Variants in MARCKSL1 observed in about 807,000 individuals in gnomAD.
The protein encoded by MARCKSL1 is MARCKS like 1.
A neutral mutation model predicts 13.3 loss-of-function variants in MARCKSL1; 5 were observed. That is an observed-to-expected ratio of 0.38 (90% CI 0.20 to 0.79). MARCKSL1 has a LOEUF of 0.79. MARCKSL1 is among the 30% of genes least tolerant of loss of function. The pLI, the probability that MARCKSL1 is intolerant of heterozygous loss-of-function variation, is 0.45. For missense variants in MARCKSL1, 274 were observed against 251.6 expected (o/e 1.09, Z -0.60); for synonymous variants, 126 against 103.2 (o/e 1.22, Z -1.34).
rs780824270 is a variant in MARCKSL1, at chr1:32,335,974, G to A, written c.60C>T (p.Gly20=). 6 of 1,294,566 alleles carry A rather than the reference G, an allele frequency of 4.6e-6. No individual in the cohort carries two copies. The highest frequency in any genetic ancestry group is 4.6e-5 in the African/African-American group (3 of 65,778). 80.2% of individuals were successfully genotyped at this position (1,294,566 alleles called of 1,614,324 possible). ...RGDVTAEEAA[G]ASPAKANGQE... Reference sequence around the variant, plus strand: ...GGCCGTTGGCCTTCGCGGGGGAAGCGCCTGCTGCCTCCTCGGCGGTCACGT... The same window carrying A: ...GGCCGTTGGCCTTCGCGGGGGAAGCACCTGCTGCCTCCTCGGCGGTCACGT... Residue 20 remains glycine (G), a synonymous_variant, in exon 1 of 2, where the codon GGC becomes GGT. Coordinates refer to ENST00000329421, the MANE Select transcript of MARCKSL1 (RefSeq NM_023009.7). The surrounding 1 kb of genome is among the most constrained non-coding windows in gnomAD (Gnocchi z 4.1).
Position 32,335,473 on chromosome 1 carries a change from G to A in MARCKSL1, c.88-376C>T, listed in dbSNP as rs1469895468. On this transcript the variant is annotated intron_variant, in intron 1 of 1. Coordinates refer to ENST00000329421, the MANE Select transcript of MARCKSL1 (RefSeq NM_023009.7). The surrounding 1 kb of genome is among the most constrained non-coding windows in gnomAD (Gnocchi z 4.1). ...CCCGGGGCGCTGTCTCTCTGCACCT[G>A]GACGGCCTATTTTCCCAGCCTCCCG... Among the ~76,000 whole-genome samples, 4 of 151,840 alleles carry A rather than the reference G, an allele frequency of 2.6e-5. No individual in the cohort carries two copies. The highest frequency in any genetic ancestry group is 2.0e-4 in the East Asian group (1 of 5,120).
chr1:32,335,350 GGCGCGCTCTCTATTCC>G lies in MARCKSL1; in HGVS notation c.88-269_88-254del, dbSNP rs1381331458. On this transcript the variant is annotated intron_variant, in intron 1 of 1. Coordinates refer to ENST00000329421, the MANE Select transcript of MARCKSL1 (RefSeq NM_023009.7). The surrounding 1 kb of genome is among the most constrained non-coding windows in gnomAD (Gnocchi z 4.1). ...CGTGGCCCCCACCCCCGTCCCCCGG[GGCGCGCTCTCTATTCC>G]GCGCGGAACCGCTCCGGATCTGCTG... Among the ~76,000 whole-genome samples the G allele has an allele frequency of 6.6e-6, 1 of 151,416 alleles. No individual in the cohort carries two copies. The highest frequency in any genetic ancestry group is 2.4e-5 in the African/African-American group (1 of 41,276).
In MARCKSL1 at chr1:32,334,998, C is replaced by A. The variant is rs1288494450; in HGVS notation, c.187G>T (p.Asp63Tyr). ...GTDEAAGATG[D>Y]AIEPAPPSQG... ...CTAGGGGGTGCTGGCTCGATGGCAT[C>A]GCCAGTGGCCCCGGCTGCCTCATCT... is the stretch of plus-strand genomic sequence containing the variant. The change falls in exon 2 of 2, where the codon GAT (aspartate) becomes TAT (tyrosine). Residue 63 changes from aspartate to tyrosine, a missense_variant. Asp to Tyr is a radical substitution (Grantham distance 160). Transcript: ENST00000329421. The A allele has an allele frequency of 2.5e-6, 4 of 1,606,086 alleles. No homozygotes were observed. In the African/African-American group the frequency reaches 5.4e-5, roughly 22 times the overall value.
In MARCKSL1 at chr1:32,335,877, CGGCCCCG is replaced by C; in HGVS notation, c.87+63_87+69del. 1 of 954,870 alleles carries C rather than the reference CGGCCCCG, an allele frequency of 1.0e-6. No individual in the cohort carries two copies. The highest frequency in any genetic ancestry group is 1.4e-6 in the Non-Finnish European group (1 of 733,782). The allele number at this position is 954,870 out of a possible 1,614,324, so 59.1% of individuals were successfully genotyped here. A position where few individuals can be genotyped will look rare whatever the true frequency, so the allele number is the denominator to read the frequency against. On this transcript the variant is annotated intron_variant, in intron 1 of 1. Transcript: ENST00000329421. This position sits in a 1 kb window ranked among gnomAD's most constrained non-coding sequence, Gnocchi z 4.1. ...CGGACAAAGCGCGCGGCCCCGGCCC[CGGCCCCG>C]GGCCCTAGAAGGGGCGAGGTGCGAG...
In MARCKSL1 at chr1:32,335,000, C is replaced by A. The variant is rs374522403; in HGVS notation, c.185G>T (p.Gly62Val). ...NGTDEAAGAT[G>V]DAIEPAPPSQ... ...AGGGGGTGCTGGCTCGATGGCATCG[C>A]CAGTGGCCCCGGCTGCCTCATCTGT... The change falls in exon 2 of 2, where the codon GGC (glycine) becomes GTC (valine). Residue 62 changes from glycine (G) to valine (V), a missense_variant. Coordinates refer to ENST00000329421, the MANE Select transcript of MARCKSL1 (RefSeq NM_023009.7). The A allele has an allele frequency of 6.2e-7, 1 of 1,605,762 alleles. No homozygotes were observed. Among genetic ancestry groups the A allele is most frequent in the East Asian group, 2.2e-5 (1 of 44,836 alleles).
At position 32,335,212 on chromosome 1, in the gene MARCKSL1, G is replaced by A; in HGVS notation, c.88-115C>T. 1 of 1,169,212 alleles carries A rather than the reference G, an allele frequency of 8.6e-7. No homozygotes were observed. Among genetic ancestry groups the A allele is most frequent in the South Asian group, 2.5e-5 (1 of 39,386 alleles). The allele number at this position is 1,169,212 out of a possible 1,614,324, so 72.4% of individuals were successfully genotyped here. A position where few individuals can be genotyped will look rare whatever the true frequency, so the allele number is the denominator to read the frequency against. On this transcript the variant is annotated intron_variant, in intron 1 of 1. Transcript: ENST00000329421. The surrounding 1 kb of genome is among the most constrained non-coding windows in gnomAD (Gnocchi z 4.1). ...CGATTCTACTGCAACCCGAAAGTCT[G>A]GCTTCAGCCTCACCCACACCCAGGA... is the stretch of plus-strand genomic sequence containing the variant.
Position 32,336,222 on chromosome 1 carries a change from C to T in MARCKSL1, c.-189G>A. The T allele has an allele frequency of 3.1e-6, 1 of 324,666 alleles. No individual in the cohort carries two copies. Among genetic ancestry groups the T allele is most frequent in the Admixed American group, 4.9e-5 (1 of 20,220 alleles). 20.1% of individuals were successfully genotyped at this position (324,666 alleles called of 1,614,324 possible). A position where few individuals can be genotyped will look rare whatever the true frequency, so the allele number is the denominator to read the frequency against. ...CTGCGCCCGCCGCCGCTCCGCTCCG[C>T]GCCAGAATGCCGCCCGCCGCCCGCC... On this transcript the variant is annotated 5_prime_UTR_variant, in exon 1 of 2. Coordinates refer to ENST00000329421, the MANE Select transcript of MARCKSL1 (RefSeq NM_023009.7).
chr1:32,334,775 T>C lies in MARCKSL1; in HGVS notation c.410A>G (p.Glu137Gly). 2 of 1,611,564 alleles carry C rather than the reference T, an allele frequency of 1.2e-6. No homozygotes were observed. The highest frequency in any genetic ancestry group is 1.7e-6 in the Non-Finnish European group (2 of 1,179,792). ...EQGEIGACSD[E>G]GTAQEGKAAA... ...GGCCTTCCCTTCCTGAGCAGTGCCC[T>C]CGTCGCTGCAGGCACCGATCTCCCC... The change falls in exon 2 of 2, where the codon GAG becomes GGG. Residue 137 changes from glutamate (E) to glycine (G), a missense_variant. Transcript: ENST00000329421.
In MARCKSL1 at chr1:32,335,230, AC is replaced by A; in HGVS notation, c.88-134del. 3.0e-6 allele frequency: 3 copies of A among 1,006,130 alleles called. No individual in the cohort carries two copies. Among genetic ancestry groups the A allele is most frequent in the Non-Finnish European group, 3.9e-6 (3 of 759,730 alleles). 62.3% of individuals were successfully genotyped at this position (1,006,130 alleles called of 1,614,324 possible). Reference sequence around the variant, plus strand: ...AAAGTCTGGCTTCAGCCTCACCCACACCCAGGATCCCGTCAAACACCTCCCT... The same window carrying A: ...AAAGTCTGGCTTCAGCCTCACCCACACCAGGATCCCGTCAAACACCTCCCT... On this transcript the variant is annotated intron_variant, in intron 1 of 1. Transcript: ENST00000329421. The surrounding 1 kb of genome is among the most constrained non-coding windows in gnomAD (Gnocchi z 4.1).
In MARCKSL1 at chr1:32,335,438, G is replaced by C. The variant is rs1641373012; in HGVS notation, c.88-341C>G. 6.6e-6 allele frequency among the ~76,000 whole-genome samples: 1 copy of C among 151,758 alleles called. No individual in the cohort carries two copies. The highest frequency in any genetic ancestry group is 2.4e-5 in the African/African-American group (1 of 41,348). On this transcript the variant is annotated intron_variant, in intron 1 of 1. Coordinates refer to ENST00000329421, the MANE Select transcript of MARCKSL1 (RefSeq NM_023009.7). This position sits in a 1 kb window ranked among gnomAD's most constrained non-coding sequence, Gnocchi z 4.1. ...CGAGCCGCTCTAGGCGACATTGGGCGGGAAGCCGCCCCGGGGCGCTGTCTC... is the reference window on the plus strand; with the variant it reads ...CGAGCCGCTCTAGGCGACATTGGGCCGGAAGCCGCCCCGGGGCGCTGTCTC...
chr1:32,334,800 C>A lies in MARCKSL1; in HGVS notation c.385G>T (p.Gly129Trp). ...TCGTCGCTGCAGGCACCGATCTCCC[C>A]CTGCTCCTGCTCTTCCTCTGTGGGT... ...SSPTEEEQEQ[G>W]EIGACSDEGT... The change falls in exon 2 of 2, where the codon GGG becomes TGG. Residue 129 changes from glycine (G) to tryptophan (W), a missense_variant. Gly to Trp is a radical substitution (Grantham distance 184, BLOSUM62 -2). Transcript: ENST00000329421. The A allele has an allele frequency of 6.2e-7, 1 of 1,611,796 alleles. No homozygotes were observed. The highest frequency in any genetic ancestry group is 1.1e-5 in the South Asian group (1 of 91,050).
rs1641346879 is a variant in MARCKSL1, at chr1:32,334,364, C to G, written c.*233G>C. The G allele has an allele frequency of 2.3e-6, 1 of 428,494 alleles. No individual in the cohort carries two copies. The highest frequency in any genetic ancestry group is 3.6e-5 in the East Asian group (1 of 27,872). The allele number at this position is 428,494 out of a possible 1,614,324, so 26.5% of individuals were successfully genotyped here. Reference sequence around the variant, plus strand: ...GACAGGAGCATTTCACATCACTAACCTAACTTGGGAAGCTGTAAGGGACCA... The same window carrying G: ...GACAGGAGCATTTCACATCACTAACGTAACTTGGGAAGCTGTAAGGGACCA... On this transcript the variant is annotated 3_prime_UTR_variant, in exon 2 of 2. Transcript: ENST00000329421.
At position 32,335,450 on chromosome 1, in the gene MARCKSL1, C is replaced by T. The variant is rs1266310281; in HGVS notation, c.88-353G>A. On this transcript the variant is annotated intron_variant, in intron 1 of 1. Transcript: ENST00000329421. This position sits in a 1 kb window ranked among gnomAD's most constrained non-coding sequence, Gnocchi z 4.1. ...GGCGACATTGGGCGGGAAGCCGCCCCGGGGCGCTGTCTCTCTGCACCTGGA... is the reference window on the plus strand; with the variant it reads ...GGCGACATTGGGCGGGAAGCCGCCCTGGGGCGCTGTCTCTCTGCACCTGGA... 6.6e-6 allele frequency among the ~76,000 whole-genome samples: 1 copy of T among 151,910 alleles called. No individual in the cohort carries two copies. Among genetic ancestry groups the T allele is most frequent in the Admixed American group, 6.5e-5 (1 of 15,272 alleles).
Position 32,335,176 on chromosome 1 carries a change from G to C in MARCKSL1, c.88-79C>G. 1.4e-6 allele frequency: 2 copies of C among 1,380,746 alleles called. No individual in the cohort carries two copies. The highest frequency in any genetic ancestry group is 9.4e-7 in the Non-Finnish European group (1 of 1,059,392). The allele number at this position is 1,380,746 out of a possible 1,614,324, so 85.5% of individuals were successfully genotyped here. ...GCTTCTGATCCCTTCTAGAGGAAGG[G>C]GTCCTCGATTCGATTCTACTGCAAC... On this transcript the variant is annotated intron_variant, in intron 1 of 1. Coordinates refer to ENST00000329421, the MANE Select transcript of MARCKSL1 (RefSeq NM_023009.7). This position sits in a 1 kb window ranked among gnomAD's most constrained non-coding sequence, Gnocchi z 4.1.
rs1467023366 is a variant in MARCKSL1, at chr1:32,334,613, G to A, written c.572C>T (p.Ala191Val). The stretch of plus-strand genomic sequence containing the variant: ...CCTACCTAGCTACTCATTCTGCTCA[G>A]CGCTGGCTGGTGTAGGGCCACTCTC... ...GPESGPTPAS[A>V]EQNE Residue 191 changes from alanine to valine, a missense_variant, in exon 2 of 2, where the codon GCT becomes GTT. Transcript: ENST00000329421. 1 of 1,570,330 alleles carries A rather than the reference G, an allele frequency of 6.4e-7. No homozygotes were observed. The highest frequency in any genetic ancestry group is 1.2e-5 in the South Asian group (1 of 85,268).
chr1:32,334,901 T>G lies in MARCKSL1; in HGVS notation c.284A>C (p.Lys95Thr). Residue 95 changes from lysine to threonine, a missense_variant, in exon 2 of 2, where the codon AAG (lysine) becomes ACG (threonine). Transcript: ENST00000329421. ...TPKKKKKFSF[K>T]KPFKLSGLSF... ...CAGGCCGCTCAATTTGAAAGGCTTC[T>G]TGAAAGAGAATTTCTTCTTCTTCTT... 1 of 1,612,654 alleles carries G rather than the reference T, an allele frequency of 6.2e-7. No homozygotes were observed. The highest frequency in any genetic ancestry group is 1.1e-5 in the South Asian group (1 of 91,086).
Position 32,335,071 on chromosome 1 carries a change from T to G in MARCKSL1, c.114A>C (p.Gly38=). The G allele has an allele frequency of 1.3e-6, 2 of 1,530,874 alleles. No homozygotes were observed. Among genetic ancestry groups the G allele is most frequent in the Non-Finnish European group, 1.8e-6 (2 of 1,141,164 alleles). The allele number at this position is 1,530,874 out of a possible 1,614,324, so 94.8% of individuals were successfully genotyped here. The change falls in exon 2 of 2, where the codon GGA becomes GGC. Residue 38 remains glycine (G), a synonymous_variant. Coordinates refer to ENST00000329421, the MANE Select transcript of MARCKSL1 (RefSeq NM_023009.7). This position sits in a 1 kb window ranked among gnomAD's most constrained non-coding sequence, Gnocchi z 4.1. ...GQENGHVKSN[G]DLSPKGEGES... ...CCCCTTCACCCTTGGGGGATAAGTC[T>G]CCATTGCTTTTCACGTGGCCATTCT...
Position 32,335,387 on chromosome 1 carries a change from T to C in MARCKSL1, c.88-290A>G, listed in dbSNP as rs1413693821. On this transcript the variant is annotated intron_variant, in intron 1 of 1. Coordinates refer to ENST00000329421, the MANE Select transcript of MARCKSL1 (RefSeq NM_023009.7). The surrounding 1 kb of genome is among the most constrained non-coding windows in gnomAD (Gnocchi z 4.1). ...ATTCCGCGCGGAACCGCTCCGGATC[T>C]GCTGTGCGGATCCCGGGCAGGCGGG... Among the ~76,000 whole-genome samples, 1 of 150,246 alleles carries C rather than the reference T, an allele frequency of 6.7e-6. No homozygotes were observed. The highest frequency in any genetic ancestry group is 2.1e-4 in the South Asian group (1 of 4,774).
In MARCKSL1 at chr1:32,335,169, A is replaced by G. The variant is rs1168751039; in HGVS notation, c.88-72T>C. On this transcript the variant is annotated intron_variant, in intron 1 of 1. Coordinates refer to ENST00000329421, the MANE Select transcript of MARCKSL1 (RefSeq NM_023009.7). This position sits in a 1 kb window ranked among gnomAD's most constrained non-coding sequence, Gnocchi z 4.1. Reference sequence around the variant, plus strand: ...CCAGCCCGCTTCTGATCCCTTCTAGAGGAAGGGGTCCTCGATTCGATTCTA... The same window carrying G: ...CCAGCCCGCTTCTGATCCCTTCTAGGGGAAGGGGTCCTCGATTCGATTCTA... 7.2e-7 allele frequency: 1 copy of G among 1,386,546 alleles called. No homozygotes were observed. Among genetic ancestry groups the G allele is most frequent in the African/African-American group, 1.5e-5 (1 of 68,378 alleles). The allele number at this position is 1,386,546 out of a possible 1,614,324, so 85.9% of individuals were successfully genotyped here.
Sources: allele counts gnomAD v4.1 joint callset (sites outside exome capture counted in the v4.1 genomes callset), GRCh38; gene constraint gnomAD v4.1.1; non-coding constraint Gnocchi (gnomAD v3.1); transcripts MANE v1.5; gene names NCBI Gene and HGNC (gene_info 2026-07-23, HGNC 2026-07-21).